Variants in NAALADL2 observed in about 807,000 individuals in gnomAD.
NAALADL2 encodes inactive N-acetylated-alpha-linked acidic dipeptidase-like protein 2.
In NAALADL2, 76 loss-of-function variants were observed where a neutral mutation model predicts 87.2. That is an observed-to-expected ratio of 0.87 (90% confidence interval 0.72 to 1.05). The LOEUF (loss-of-function observed/expected upper bound fraction) is 1.05. NAALADL2 is among the 50% of genes least tolerant of loss of function. NAALADL2 has a pLI of 0.00. For missense variants in NAALADL2, 1,089 were observed against 945.8 expected, an observed-to-expected ratio of 1.15 and a Z score of -1.99; for synonymous variants, 354 against 331.0, an observed-to-expected ratio of 1.07 and a Z score of -0.75.
chr3:175,441,249 A>C (rs1441172293), intron 5 of NAALADL2, among the ~76,000 whole-genome samples: 1 of 152,150 alleles, frequency 6.6e-6, no homozygotes, highest in Non-Finnish European at 1.5e-5. Flanking sequence ...CGTGATGAGT[A>C]CTATGTTGAA....
At chr3:174,835,847 A>C (rs1312277646) in intron 3 of NAALADL2, among the ~76,000 whole-genome samples, 3 of 152,230 alleles carry the variant, frequency 2.0e-5, no homozygotes, top group African/African-American at 7.2e-5. Context: ...AAAAATAGCA[A>C]ATAACAAGTA....
chr3:175,504,048 T>C (rs1237016150), intron 9 of NAALADL2, among the ~76,000 whole-genome samples: 2 of 152,182 alleles, frequency 1.3e-5, no homozygotes, highest in African/African-American at 2.4e-5. Flanking sequence ...TCTTTCAAGG[T>C]TTTTATAGTT....
intron 2 of NAALADL2, among the ~76,000 whole-genome samples, chr3:175,215,709 T>G (rs1425369324): frequency 6.6e-6 from 1 of 152,274 alleles, no homozygotes; most frequent in Non-Finnish European, 1.5e-5. Context: ...ATATACCTAA[T>G]TAATGAATTC....
At chr3:175,026,482 T>TA (rs59236659) in intron 1 of NAALADL2, among the ~76,000 whole-genome samples, 8,811 of 85,390 alleles carry the variant, frequency 0.1, 403 homozygotes, top group Middle Eastern at 0.25. Flanking sequence ...CCGTCTCTAC[T>TA]AAAAAAAAAA....
intron 5 of NAALADL2, among the ~76,000 whole-genome samples, chr3:175,348,966 T>C (rs1369130251): frequency 1.3e-5 from 2 of 152,200 alleles, no homozygotes; most frequent in Non-Finnish European, 2.9e-5. Flanking sequence ...CTGTTAATCT[T>C]ACCAAATGGA....
At chr3:174,838,873 C>T (rs1261208533) in intron 3 of NAALADL2, among the ~76,000 whole-genome samples, 1 of 152,056 alleles carries the variant, frequency 6.6e-6, no homozygotes, top group African/African-American at 2.4e-5. Context: ...GAAACACATC[C>T]CAAGCTCATG....
intron 11 of NAALADL2, among the ~76,000 whole-genome samples, chr3:175,639,351 C>T (rs1311541051): frequency 8.1e-6 from 1 of 122,990 alleles, no homozygotes; most frequent in Non-Finnish European, 1.6e-5. Context: ...GACGGAGTCT[C>T]GCTCTGTTGC....
At chr3:174,681,320 T>C (rs1241387680) in intron 2 of NAALADL2, among the ~76,000 whole-genome samples, 2 of 152,256 alleles carry the variant, frequency 1.3e-5, no homozygotes, top group Non-Finnish European at 2.9e-5. Context: ...TTGAAGCCAG[T>C]AGACTTGGGG....
intron 1 of NAALADL2, among the ~76,000 whole-genome samples, chr3:174,959,135 A>G (rs749788811): frequency 2.9e-4 from 44 of 152,122 alleles, no homozygotes; most frequent in Non-Finnish European, 5.1e-4. Flanking sequence ...GTGTACTTAG[A>G]GACATTAGAA....
At chr3:175,060,981 G>C (rs1203470953) in intron 1 of NAALADL2, among the ~76,000 whole-genome samples, 3 of 152,174 alleles carry the variant, frequency 2.0e-5, no homozygotes, top group Non-Finnish European at 4.4e-5. Context: ...GGGAGGTGGA[G>C]GTTGCAGTGA....
At chr3:174,443,987 G>A (rs1162825728) in intron 1 of NAALADL2, among the ~76,000 whole-genome samples, 1 of 144,860 alleles carries the variant, frequency 6.9e-6, no homozygotes, top group East Asian at 1.9e-4. Context: ...GAAGGTGATG[G>A]TATACATCAC....
intron 10 of NAALADL2, among the ~76,000 whole-genome samples, chr3:175,626,198 C>T (rs913093255): frequency 6.6e-6 from 1 of 151,868 alleles, no homozygotes; most frequent in African/African-American, 2.4e-5. Flanking sequence ...CATCTACTTA[C>T]AATGGTTTTT....
At chr3:175,126,183 T>C (rs1418090165) in intron 2 of NAALADL2, among the ~76,000 whole-genome samples, 1 of 151,956 alleles carries the variant, frequency 6.6e-6, no homozygotes, top group Non-Finnish European at 1.5e-5. Context: ...AAAAGCCTCA[T>C]TGGAGTGGAT....
intron 2 of NAALADL2, among the ~76,000 whole-genome samples, chr3:174,554,504 C>G (rs11716545): frequency 6.6e-6 from 1 of 151,764 alleles, no homozygotes; most frequent in African/African-American, 2.4e-5. Flanking sequence ...TTTCTCCCCT[C>G]CTTCCTTTCT....
intron 1 of NAALADL2, among the ~76,000 whole-genome samples, chr3:174,981,433 G>A (rs999753532): frequency 2.0e-5 from 3 of 152,110 alleles, no homozygotes; most frequent in Non-Finnish European, 4.4e-5. Flanking sequence ...TCAAACATGG[G>A]CCAAAGATTT....
At chr3:174,851,240 AAATAAAT>A (rs1410673203) in intron 3 of NAALADL2, among the ~76,000 whole-genome samples, 14 of 151,996 alleles carry the variant, frequency 9.2e-5, no homozygotes, top group African/African-American at 3.4e-4. Context: ...TAGTAGAAGA[AAATAAAT>A]AATAAATATC....
chr3:174,920,124 A>G (rs1734955326), intron 1 of NAALADL2, among the ~76,000 whole-genome samples: 1 of 152,108 alleles, frequency 6.6e-6, no homozygotes, highest in African/African-American at 2.4e-5. Flanking sequence ...GGGCCCTAGA[A>G]TTTTTTGAAT....
intron 9 of NAALADL2, among the ~76,000 whole-genome samples, chr3:175,480,901 T>G (rs1227567275): frequency 6.6e-6 from 1 of 151,940 alleles, no homozygotes. Context: ...TTTTATTATC[T>G]TATCCTGCTC....
At chr3:175,507,649 C>G (rs928801141) in intron 9 of NAALADL2, among the ~76,000 whole-genome samples, 1 of 152,126 alleles carries the variant, frequency 6.6e-6, no homozygotes, top group African/African-American at 2.4e-5. Context: ...GTCTTGAACT[C>G]CTGACCTCAG....
Sources: gnomAD v4.1 joint callset for allele counts (sites outside exome capture counted in the v4.1 genomes callset) on GRCh38, gnomAD v4.1.1 for gene constraint, MANE v1.5 for transcripts, NCBI Gene and HGNC (gene_info 2026-07-23, HGNC 2026-07-21) for gene names.